TDRKH: variants seen among roughly 807,000 people sequenced by gnomAD.
TDRKH encodes the protein tudor and KH domain-containing protein.
A neutral mutation model predicts 61.3 loss-of-function variants in TDRKH; 28 were observed. The observed-to-expected ratio is 0.46, with a 90% confidence interval of 0.34 to 0.63. The LOEUF (loss-of-function observed/expected upper bound fraction) is 0.63, where lower values mean the gene tolerates loss of function less well. TDRKH is among the 20% of genes least tolerant of loss of function. The probability of loss-of-function intolerance (pLI) is 0.01; values close to 1 mark genes in which losing one functional copy is unlikely to be tolerated. For missense variants in TDRKH, 540 were observed against 683.4 expected, an observed-to-expected ratio of 0.79 and a Z score of 2.34; for synonymous variants, 219 against 244.4, an observed-to-expected ratio of 0.90 and a Z score of 0.97.
downstream of TDRKH, chr1:151,768,034 G>A: frequency 1.2e-6 from 2 of 1,613,474 alleles, no homozygotes; most frequent in Non-Finnish European, 1.7e-6. Context: ...GAAGACTAGA[G>A]GAGCATTTTT....
chr1:151,772,697 A>G (rs568908492), downstream of TDRKH, among the ~76,000 whole-genome samples: 7 of 152,200 alleles, frequency 4.6e-5, no homozygotes, highest in Non-Finnish European at 7.3e-5. Context: ...ATAAGGAAAC[A>G]CGTTAAAATT....
chr1:151,790,320 G>C (rs187495105), intron 1 of TDRKH, 60 bp downstream of exon 1: 1 of 152,818 alleles, frequency 6.5e-6, no homozygotes, highest in Non-Finnish European at 1.5e-5. Context: ...CCTCGCTCCC[G>C]CATTTCCGTC....
downstream of TDRKH, chr1:151,768,190 CT>C (rs1306260172): frequency 2.5e-6 from 4 of 1,613,714 alleles, no homozygotes; most frequent in East Asian, 4.5e-5. Context: ...TCGACTCTTC[CT>C]GGATATCCCA....
At chr1:151,773,077 C>CT (rs1648828601), downstream of TDRKH, among the ~76,000 whole-genome samples, 1 of 151,902 alleles carries the variant, frequency 6.6e-6, no homozygotes, top group African/African-American at 2.4e-5. Context: ...GAGTCTCTCT[C>CT]TGTCACCCAG....
At chr1:151,775,245 ATAC>A (rs1649046797) in intron 10 of TDRKH, 79 bp from the exon 11 acceptor site, 4 of 1,565,982 alleles carry the variant, frequency 2.6e-6, no homozygotes, top group Non-Finnish European at 3.5e-6. Flanking sequence ...AGAAGGACTG[ATAC>A]TTTAAAGACA....
downstream of TDRKH, chr1:151,771,935 A>G: frequency 2.5e-6 from 1 of 398,646 alleles, no homozygotes; most frequent in Non-Finnish European, 4.4e-6. Context: ...GAACTCTGGT[A>G]GCACCAGTTC....
intron 6 of TDRKH, 125 bp from the exon 7 acceptor site, chr1:151,776,724 C>G: frequency 9.3e-7 from 1 of 1,069,780 alleles, no homozygotes; most frequent in African/African-American, 1.6e-5. Context: ...GCAGGAGAGG[C>G]AACTGGATGA....
chr1:151,766,612 C>T, downstream of TDRKH: 1 of 1,292,080 alleles, frequency 7.7e-7, no homozygotes, highest in South Asian at 1.4e-5. Context: ...AGGGCTGACC[C>T]CTTATCCATG....
At chr1:151,770,361 A>G, downstream of TDRKH, 1 of 1,435,992 alleles carries the variant, frequency 7.0e-7, no homozygotes, top group Non-Finnish European at 9.3e-7. Flanking sequence ...ATGCACCCTC[A>G]GGCATTTCAG....
chr1:151,768,676 C>T (rs1033430724), downstream of TDRKH, among the ~76,000 whole-genome samples: 3 of 151,960 alleles, frequency 2.0e-5, no homozygotes, highest in Non-Finnish European at 2.9e-5. Context: ...ATTTTTTTTT[C>T]CCAGTATTTA....
chr1:151,782,746 G>A (rs1203322687), intron 2 of TDRKH, 153 bp downstream of exon 2: 28 of 948,980 alleles, frequency 3.0e-5, no homozygotes, highest in Middle Eastern at 5.4e-4. Context: ...CGCCAGGCTA[G>A]GTGACAGAGT....
chr1:151,782,108 A>G, intron 2 of TDRKH: 1 of 407,668 alleles, frequency 2.5e-6, no homozygotes, highest in Admixed American at 3.2e-5. Context: ...AAGAAAGCAC[A>G]TCAATGGAGT....
At chr1:151,782,832 T>A (rs1266306558) in intron 2 of TDRKH, 67 bp downstream of exon 2, 1 of 1,478,128 alleles carries the variant, frequency 6.8e-7, no homozygotes, top group African/African-American at 1.5e-5. Flanking sequence ...GAAAGAGTTT[T>A]TTTCAATTTA....
At chr1:151,785,092 C>T (rs969090741) in intron 1 of TDRKH, among the ~76,000 whole-genome samples, 3 of 151,960 alleles carry the variant, frequency 2.0e-5, no homozygotes, top group Admixed American at 1.3e-4. Context: ...CCACCATGCC[C>T]GGCTAATTTT....
In TDRKH at chr1:151,775,549, A is replaced by G. The variant is rs953490758; in HGVS notation, c.1283-6T>C. ...TTCCTCTTCCCACTGGTCACCTGGCAAAAGATTGTAGGGGTTACTGCTGAT... is the reference window on the plus strand; with the variant it reads ...TTCCTCTTCCCACTGGTCACCTGGCGAAAGATTGTAGGGGTTACTGCTGAT... On this transcript the variant is annotated splice_region_variant and splice_polypyrimidine_tract_variant and intron_variant, in intron 9 of 12. Coordinates refer to ENST00000368824, the MANE Select transcript of TDRKH (RefSeq NM_001083965.2). 1.9e-6 allele frequency: 3 copies of G among 1,611,794 alleles called. No individual in the cohort carries two copies. The highest frequency in any genetic ancestry group is 2.5e-6 in the Non-Finnish European group (3 of 1,179,084).
At chr1:151,787,237 G>C (rs183583241) in intron 1 of TDRKH, among the ~76,000 whole-genome samples, 12 of 152,202 alleles carry the variant, frequency 7.9e-5, no homozygotes, top group Admixed American at 2.0e-4. Flanking sequence ...TATATTTTTT[G>C]AGACGGAGTC....
At chr1:151,766,683 G>C, downstream of TDRKH, 3 of 1,551,086 alleles carry the variant, frequency 1.9e-6, no homozygotes, top group Non-Finnish European at 2.6e-6. Flanking sequence ...ACCCACCTGT[G>C]AACTTCACTT....
At chr1:151,770,773 A>G (rs1278689817), downstream of TDRKH, among the ~76,000 whole-genome samples, 1 of 152,258 alleles carries the variant, frequency 6.6e-6, no homozygotes, top group Admixed American at 6.5e-5. Flanking sequence ...GGTAGACCTC[A>G]CTAATCTCTA....
At chr1:151,778,617 A>C (rs975238411) in intron 6 of TDRKH, 68 bp downstream of exon 6, 5 of 1,600,398 alleles carry the variant, frequency 3.1e-6, no homozygotes, top group Non-Finnish European at 4.3e-6. Context: ...CATTCCTTCT[A>C]ATCTCTCCAA....
Sources: gnomAD v4.1 joint callset for allele counts (sites outside exome capture counted in the v4.1 genomes callset) on GRCh38, gnomAD v4.1.1 for gene constraint, MANE v1.5 for transcripts, NCBI Gene and HGNC (gene_info 2026-07-23, HGNC 2026-07-21) for gene names.